RTN4: variants seen among roughly 807,000 people sequenced by gnomAD.
The protein encoded by RTN4 is reticulon-4.
RTN4 carries 32 observed loss-of-function variants against 90.4 expected under a neutral mutation model. The ratio of observed to expected loss-of-function variants is 0.35; its 90% CI spans 0.27 to 0.48. The LOEUF (loss-of-function observed/expected upper bound fraction) is 0.48. RTN4 is among the 20% of genes least tolerant of loss of function. RTN4 has a pLI of 0.99. For synonymous variants in RTN4, 629 were observed against 552.5 expected, an observed-to-expected ratio of 1.14 and a Z score of -1.94; for missense variants, 1,706 against 1,430.2, an observed-to-expected ratio of 1.19 and a Z score of -3.11.
intron 1 of RTN4, among the ~76,000 whole-genome samples, chr2:55,098,142 G>A (rs1667784150): frequency 6.6e-6 from 1 of 152,078 alleles, no homozygotes; most frequent in Non-Finnish European, 1.5e-5. Context: ...TAGGGCTAGT[G>A]TTGTCCCATT....
At chr2:54,974,559 G>C in intron 6 of RTN4, 136 bp downstream of exon 6, 1 of 717,034 alleles carries the variant, frequency 1.4e-6, no homozygotes, top group Non-Finnish European at 2.4e-6. Context: ...GGGATTACAG[G>C]CATGAGCTAC....
chr2:54,979,427 C>T (rs1677940349), intron 5 of RTN4, among the ~76,000 whole-genome samples: 1 of 152,136 alleles, frequency 6.6e-6, no homozygotes, highest in South Asian at 2.1e-4. Context: ...TGTGGCCATA[C>T]ACAGAAGTCT....
chr2:54,988,126 G>C (rs1384526476), intron 3 of RTN4, among the ~76,000 whole-genome samples: 1 of 152,200 alleles, frequency 6.6e-6, no homozygotes, highest in Non-Finnish European at 1.5e-5. Flanking sequence ...ACACCAGCCT[G>C]GCCAACACGG....
At chr2:55,003,311 T>G (rs572559686) in intron 3 of RTN4, among the ~76,000 whole-genome samples, 1 of 152,342 alleles carries the variant, frequency 6.6e-6, no homozygotes, top group Admixed American at 6.5e-5. Flanking sequence ...TTTTCAGTTT[T>G]TAAATTGCTT....
At chr2:55,115,357 G>T (rs1668104944), upstream of RTN4, among the ~76,000 whole-genome samples, 1 of 152,158 alleles carries the variant, frequency 6.6e-6, no homozygotes, top group Admixed American at 6.5e-5. Context: ...AGCAATAGCT[G>T]GTTGAGTCTT....
At chr2:55,054,297 C>G (rs1481515441), upstream of RTN4, among the ~76,000 whole-genome samples, 1 of 152,112 alleles carries the variant, frequency 6.6e-6, no homozygotes, top group Non-Finnish European at 1.5e-5. Flanking sequence ...TCTTATCTTG[C>G]TTAACCATCC....
At position 54,982,551 on chromosome 2, in the gene RTN4, G is replaced by A. The variant is rs777900337; in HGVS notation, c.3324C>T (p.Arg1108=). 7 of 1,612,550 alleles carry A rather than the reference G, an allele frequency of 4.3e-6. No individual in the cohort carries two copies. The highest frequency in any genetic ancestry group is 4.0e-5 in the African/African-American group (3 of 74,804). Residue 1108 remains arginine (R), a synonymous_variant, in exon 5 of 9, where the codon CGC becomes CGT. Transcript: ENST00000337526. ...CAACTAAATCATCAACTAAGAAGAG[G>A]CGCCTGAGTTCCTTTATCGTGCAGT... is the stretch of plus-strand genomic sequence containing the variant. The part of the protein sequence containing the change: ...HVNCTIKELR[R]LFLVDDLVDS...
At chr2:55,085,646 A>G (rs752375368) in intron 1 of RTN4, among the ~76,000 whole-genome samples, 1 of 152,218 alleles carries the variant, frequency 6.6e-6, no homozygotes, top group Non-Finnish European at 1.5e-5. Flanking sequence ...ATAACTGGGC[A>G]CCATAGCCTA....
intron 5 of RTN4, among the ~76,000 whole-genome samples, chr2:54,977,362 G>C (rs2968804): frequency 0.68 from 103,556 of 151,216 alleles, 35,524 homozygotes; most frequent in Middle Eastern, 0.76. Flanking sequence ...CTGAGAGCTA[G>C]ATTTTAGTGT....
At chr2:55,112,231 G>C (rs930359683) in intron 1 of RTN4, among the ~76,000 whole-genome samples, 1 of 152,122 alleles carries the variant, frequency 6.6e-6, no homozygotes, top group Non-Finnish European at 1.5e-5. Flanking sequence ...AAGAAGAAAG[G>C]TACCACTGAC....
chr2:55,016,561 G>C (rs1404787329), intron 3 of RTN4, among the ~76,000 whole-genome samples: 1 of 152,176 alleles, frequency 6.6e-6, no homozygotes, highest in Non-Finnish European at 1.5e-5. Context: ...TCCAGCCTGA[G>C]TGACAGAGCG....
At chr2:55,031,097 C>T (rs1303349727) in intron 1 of RTN4, among the ~76,000 whole-genome samples, 1 of 152,258 alleles carries the variant, frequency 6.6e-6, no homozygotes, top group African/African-American at 2.4e-5. Flanking sequence ...AATTACAATA[C>T]TACAAAAAAC....
intron 1 of RTN4, among the ~76,000 whole-genome samples, chr2:55,043,541 C>A (rs373241835): frequency 2.6e-5 from 4 of 151,852 alleles, no homozygotes; most frequent in Non-Finnish European, 5.9e-5. Context: ...CTGCTTGAGC[C>A]CAGGAGTTCA....
intron 3 of RTN4, among the ~76,000 whole-genome samples, chr2:54,996,089 GAATT>G: frequency 6.6e-6 from 1 of 152,140 alleles, no homozygotes; most frequent in South Asian, 2.1e-4. Flanking sequence ...ATCTGAAAAT[GAATT>G]AAATAATTCC....
At position 54,972,302 on chromosome 2, in the gene RTN4, A is replaced by AT; in HGVS notation, c.*853dup. On this transcript the variant is annotated 3_prime_UTR_variant, in exon 9 of 9. Transcript: ENST00000337526. ...GGTATAAATCTTCATTTTGTAATTA[A>AT]TAATTTCTTGCATAACAATGTTTGA... is the stretch of plus-strand genomic sequence containing the variant. The AT allele has an allele frequency of 6.6e-6, 1 of 152,666 alleles. No homozygotes were observed. The highest frequency in any genetic ancestry group is 2.4e-5 in the African/African-American group (1 of 41,462). The allele number at this position is 152,666 out of a possible 1,614,324, so 9.5% of individuals were successfully genotyped here. A position where few individuals can be genotyped will look rare whatever the true frequency, so the allele number is the denominator to read the frequency against.
intron 7 of RTN4, 77 bp from the exon 8 acceptor site, chr2:54,973,698 C>T: frequency 2.0e-6 from 3 of 1,495,780 alleles, no homozygotes; most frequent in Non-Finnish European, 2.8e-6. Flanking sequence ...AAGCTAAAGG[C>T]TTAAGAAACC....
intron 1 of RTN4, among the ~76,000 whole-genome samples, chr2:55,109,804 A>C (rs1668004680): frequency 6.6e-6 from 1 of 152,192 alleles, no homozygotes; most frequent in Admixed American, 6.5e-5. Context: ...AATATGCCCT[A>C]AATATTTGAA....
At chr2:54,990,345 T>C (rs1337005968) in intron 3 of RTN4, among the ~76,000 whole-genome samples, 2 of 152,188 alleles carry the variant, frequency 1.3e-5, no homozygotes, top group African/African-American at 2.4e-5. Flanking sequence ...TCACACCACA[T>C]TGTATACATG....
chr2:54,998,246 GT>G (rs1679597546), intron 3 of RTN4, among the ~76,000 whole-genome samples: 1 of 139,886 alleles, frequency 7.1e-6, no homozygotes, highest in Non-Finnish European at 1.6e-5. Flanking sequence ...TGGGAGGGGG[GT>G]GAAGAAAATG....
Sources: gnomAD v4.1 joint callset for allele counts (sites outside exome capture counted in the v4.1 genomes callset) on GRCh38, gnomAD v4.1.1 for gene constraint, MANE v1.5 for transcripts, NCBI Gene and HGNC (gene_info 2026-07-23, HGNC 2026-07-21) for gene names.